Variants in PTPRD observed in about 807,000 individuals in gnomAD.
PTPRD encodes the protein protein tyrosine phosphatase receptor type D.
In PTPRD, 34 loss-of-function variants were observed where a neutral mutation model predicts 214.5. That is an observed-to-expected ratio of 0.16 (90% confidence interval 0.12 to 0.21). The LOEUF is 0.21. Ranked by LOEUF, PTPRD falls within the 10% of genes least tolerant of loss-of-function variation. The pLI is 1.00. For synonymous variants in PTPRD, 1,128 were observed against 845.7 expected (o/e 1.33, Z -5.79); for missense variants, 2,545 against 2,398.7 (o/e 1.06, Z -1.27).
intron 7 of PTPRD, among the ~76,000 whole-genome samples, chr9:9,713,702 T>C (rs1247028640): frequency 6.6e-6 from 1 of 152,104 alleles, no homozygotes; most frequent in East Asian, 1.9e-4. Flanking sequence ...ATATAAACTA[T>C]TCCATTCATG....
intron 11 of PTPRD, among the ~76,000 whole-genome samples, chr9:9,008,762 T>A (rs887601242): frequency 6.6e-6 from 1 of 152,162 alleles, no homozygotes; most frequent in African/African-American, 2.4e-5. Context: ...ATTACTGGGA[T>A]TTGCTGGTAA....
intron 3 of PTPRD, among the ~76,000 whole-genome samples, chr9:10,181,475 C>T (rs775839973): frequency 5.9e-5 from 9 of 151,910 alleles, no homozygotes; most frequent in Admixed American, 1.3e-4. Flanking sequence ...CACTTCTAAA[C>T]CTGTTTTAAG....
At chr9:9,294,551 G>A (rs1952345140) in intron 9 of PTPRD, among the ~76,000 whole-genome samples, 1 of 151,682 alleles carries the variant, frequency 6.6e-6, no homozygotes, top group African/African-American at 2.4e-5. Flanking sequence ...GGATTTGACA[G>A]ATTAGTGTTC....
At chr9:10,278,578 G>T (rs2094872562) in intron 3 of PTPRD, among the ~76,000 whole-genome samples, 1 of 152,034 alleles carries the variant, frequency 6.6e-6, no homozygotes, top group South Asian at 2.1e-4. Context: ...GTGTGTTGCT[G>T]CTCCAAAAAG....
intron 2 of PTPRD, among the ~76,000 whole-genome samples, chr9:10,402,079 G>GA (rs978759315): frequency 8.6e-5 from 13 of 151,330 alleles, no homozygotes; most frequent in African/African-American, 4.8e-5. Context: ...GTTTTGAAGG[G>GA]AAAAAAATCA....
chr9:9,702,215 T>C (rs1442630248), intron 7 of PTPRD, among the ~76,000 whole-genome samples: 1 of 152,170 alleles, frequency 6.6e-6, no homozygotes, highest in Non-Finnish European at 1.5e-5. Context: ...GGGAGTCATA[T>C]GAACGAAGAC....
chr9:10,141,441 C>G (rs201608705), intron 3 of PTPRD, among the ~76,000 whole-genome samples: 2 of 151,710 alleles, frequency 1.3e-5, no homozygotes, highest in Non-Finnish European at 2.9e-5. Context: ...ATCACAAGCA[C>G]TCTTATACAA....
chr9:9,148,274 G>C (rs1195187066), intron 10 of PTPRD, among the ~76,000 whole-genome samples: 1 of 152,084 alleles, frequency 6.6e-6, no homozygotes. Context: ...TCAGAAAAAT[G>C]ACATGGCAAC....
chr9:9,984,577 C>T (rs1223452281), intron 4 of PTPRD, among the ~76,000 whole-genome samples: 2 of 152,150 alleles, frequency 1.3e-5, no homozygotes, highest in African/African-American at 4.8e-5. Context: ...CTTTGGGCCC[C>T]GTGGCTACCT....
chr9:8,988,002 T>G (rs1288350183), intron 11 of PTPRD, among the ~76,000 whole-genome samples: 1 of 147,912 alleles, frequency 6.8e-6, no homozygotes, highest in Non-Finnish European at 1.5e-5. Flanking sequence ...GGAAGTGGAG[T>G]GAAAGCAAAA....
chr9:8,373,866 CTATCTATCTA>C, intron 39 of PTPRD, among the ~76,000 whole-genome samples: 1 of 9,226 alleles, frequency 1.1e-4, no homozygotes, highest in Non-Finnish European at 2.6e-4. Flanking sequence ...GTCTGTCTGT[CTATCTATCTA>C]TCTATCTATC....
At chr9:8,947,029 CTTTTT>C (rs71317390) in intron 11 of PTPRD, among the ~76,000 whole-genome samples, 1 of 121,006 alleles carries the variant, frequency 8.3e-6, no homozygotes, top group Non-Finnish European at 1.7e-5. Flanking sequence ...TTTTTCTTTT[CTTTTT>C]TTTTTTTTGT....
intron 8 of PTPRD, among the ~76,000 whole-genome samples, chr9:9,463,044 T>C (rs10816132): frequency 0.59 from 89,276 of 150,978 alleles, 26,756 homozygotes; most frequent in East Asian, 0.68. Context: ...AGAGACTAAA[T>C]AGGAACAAAA....
chr9:8,520,257 A>G (rs1421133462), intron 20 of PTPRD, among the ~76,000 whole-genome samples: 1 of 152,200 alleles, frequency 6.6e-6, no homozygotes, highest in Non-Finnish European at 1.5e-5. Flanking sequence ...TATTAAGGTT[A>G]CACAATATAA....
At chr9:9,794,888 GA>G (rs1421360504) in intron 5 of PTPRD, among the ~76,000 whole-genome samples, 1 of 152,200 alleles carries the variant, frequency 6.6e-6, no homozygotes, top group Admixed American at 6.5e-5. Context: ...TTGAAGGGAA[GA>G]GAACCTAAAA....
At chr9:10,384,537 T>A (rs1178494194) in intron 2 of PTPRD, among the ~76,000 whole-genome samples, 1 of 151,706 alleles carries the variant, frequency 6.6e-6, no homozygotes, top group Non-Finnish European at 1.5e-5. Flanking sequence ...GAACTTTACA[T>A]GTCTGTGAAA....
intron 3 of PTPRD, among the ~76,000 whole-genome samples, chr9:10,103,770 A>C (rs920460188): frequency 5.9e-5 from 9 of 151,378 alleles, no homozygotes; most frequent in Non-Finnish European, 1.0e-4. Flanking sequence ...TGGTCCAGAC[A>C]CTCTTCCACA....
At chr9:9,950,398 A>G (rs377463310) in intron 4 of PTPRD, among the ~76,000 whole-genome samples, 70 of 152,264 alleles carry the variant, frequency 4.6e-4, no homozygotes, top group Middle Eastern at 3.4e-3. Flanking sequence ...ATTTGGACCA[A>G]CTGTCTTAAG....
chr9:9,047,234 C>T (rs936928618), intron 10 of PTPRD, among the ~76,000 whole-genome samples: 1 of 151,892 alleles, frequency 6.6e-6, no homozygotes, highest in African/African-American at 2.4e-5. Flanking sequence ...CTATAAAACA[C>T]TGATGAAAGA....
Sources: gnomAD v4.1 joint callset for allele counts (sites outside exome capture counted in the v4.1 genomes callset) on GRCh38, gnomAD v4.1.1 for gene constraint, MANE v1.5 for transcripts, NCBI Gene and HGNC (gene_info 2026-07-23, HGNC 2026-07-21) for gene names.